PPARGC1A: variants seen among roughly 807,000 people sequenced by gnomAD.
The protein encoded by PPARGC1A is PPARG coactivator 1 alpha, also known as peroxisome proliferator-activated receptor gamma coactivator 1-alpha.
Under a neutral mutation model 88.7 loss-of-function variants are expected in PPARGC1A, and 25 were observed. That is an observed-to-expected ratio of 0.28 (90% CI 0.21 to 0.39). The LOEUF (loss-of-function observed/expected upper bound fraction) is 0.39. Among genes scored for constraint, PPARGC1A ranks in the 10% least tolerant of loss-of-function variants. PPARGC1A has a pLI of 1.00. For missense variants in PPARGC1A, 880 were observed against 968.7 expected (o/e 0.91, Z 1.22); for synonymous variants, 363 against 355.6 (o/e 1.02, Z -0.24).
At chr4:24,223,250 A>ATT in the PPARGC1A span, among the ~76,000 whole-genome samples, 5,736 of 135,324 alleles carry the variant, frequency 0.042, 302 homozygotes, top group African/African-American at 0.1. Flanking sequence ...ACTTTTGTGG[A>ATT]TTTTTTTTTT....
the PPARGC1A span, among the ~76,000 whole-genome samples, chr4:23,939,227 A>ACC: frequency 4.1e-4 from 62 of 151,714 alleles, no homozygotes; most frequent in African/African-American, 1.5e-3. Context: ...TGCATATCAA[A>ACC]CCCCCCCCCA....
chr4:23,975,503 C>T, the PPARGC1A span, among the ~76,000 whole-genome samples: 4 of 151,974 alleles, frequency 2.6e-5, no homozygotes, highest in Non-Finnish European at 4.4e-5. Context: ...CTGCAACCTC[C>T]GACTTCTGGG....
chr4:24,175,245 T>A, the PPARGC1A span, among the ~76,000 whole-genome samples: 1 of 152,060 alleles, frequency 6.6e-6, no homozygotes, highest in Non-Finnish European at 1.5e-5. Flanking sequence ...GAAAATGGAA[T>A]ACCACCCTGG....
chr4:24,424,176 C>T, the PPARGC1A span, among the ~76,000 whole-genome samples: 1 of 140,398 alleles, frequency 7.1e-6, no homozygotes, highest in Non-Finnish European at 1.5e-5. Context: ...CTAATTTTGG[C>T]ATTATTTGAG....
At chr4:23,884,720 G>A (rs1716569508) in intron 2 of PPARGC1A, 32 bp downstream of exon 2, 1 of 1,584,946 alleles carries the variant, frequency 6.3e-7, no homozygotes, top group East Asian at 2.3e-5. Flanking sequence ...CAAACTCAAT[G>A]AAAAATTAAT....
the PPARGC1A span, among the ~76,000 whole-genome samples, chr4:23,968,499 CTT>C: frequency 1.5e-3 from 225 of 152,284 alleles, 1 homozygote; most frequent in African/African-American, 4.7e-3. Flanking sequence ...CTTTAGCACT[CTT>C]TAGTTTCCCA....
At chr4:24,034,376 T>G in the PPARGC1A span, among the ~76,000 whole-genome samples, 2 of 152,182 alleles carry the variant, frequency 1.3e-5, no homozygotes, top group Non-Finnish European at 2.9e-5. Flanking sequence ...TCAAACAAAC[T>G]ATTAAAACAT....
the PPARGC1A span, among the ~76,000 whole-genome samples, chr4:24,281,941 C>A: frequency 2.6e-5 from 4 of 152,172 alleles, no homozygotes; most frequent in Non-Finnish European, 5.9e-5. Context: ...AACTGAGGCT[C>A]AAAGGGCTTC....
chr4:24,010,437 G>A, the PPARGC1A span, among the ~76,000 whole-genome samples: 4 of 152,052 alleles, frequency 2.6e-5, no homozygotes, highest in Admixed American at 6.6e-5. Flanking sequence ...CTCGCTCCCC[G>A]GAGTCATCCA....
At chr4:24,052,466 G>A in the PPARGC1A span, among the ~76,000 whole-genome samples, 17 of 151,924 alleles carry the variant, frequency 1.1e-4, no homozygotes, top group South Asian at 6.3e-4. Flanking sequence ...GTGAATGCCC[G>A]TCTTTACTAA....
the PPARGC1A span, among the ~76,000 whole-genome samples, chr4:24,468,383 G>A: frequency 6.6e-6 from 1 of 152,088 alleles, no homozygotes. Flanking sequence ...TTTAACTGGG[G>A]GTTTCATTCT....
At chr4:24,287,750 C>T in the PPARGC1A span, among the ~76,000 whole-genome samples, 1 of 151,728 alleles carries the variant, frequency 6.6e-6, no homozygotes, top group Non-Finnish European at 1.5e-5. Flanking sequence ...AAAAATGCTA[C>T]CACTTCCAAA....
chr4:23,888,475 A>G (rs1157886256), intron 1 of PPARGC1A, among the ~76,000 whole-genome samples: 4 of 152,190 alleles, frequency 2.6e-5, no homozygotes. Context: ...CCAGCCAGAC[A>G]ACCACCCACA....
chr4:24,339,219 TATATATATATATATATATAC>T, the PPARGC1A span, among the ~76,000 whole-genome samples: 368 of 33,108 alleles, frequency 0.011, 2 homozygotes, highest in Non-Finnish European at 0.023. Flanking sequence ...TGTGTATATA[TATATATATATATATATATAC>T]ACACACACAC....
chr4:24,147,958 AAC>A, the PPARGC1A span, among the ~76,000 whole-genome samples: 4 of 151,630 alleles, frequency 2.6e-5, no homozygotes, highest in Admixed American at 1.3e-4. Flanking sequence ...CAAACAAACA[AAC>A]AAAAAAAATA....
the PPARGC1A span, among the ~76,000 whole-genome samples, chr4:24,047,436 T>C: frequency 6.6e-6 from 1 of 152,228 alleles, no homozygotes; most frequent in Non-Finnish European, 1.5e-5. Flanking sequence ...TCAGAGATAA[T>C]GTGCCTGGCA....
At chr4:24,030,601 G>A in the PPARGC1A span, among the ~76,000 whole-genome samples, 1 of 152,056 alleles carries the variant, frequency 6.6e-6, no homozygotes, top group South Asian at 2.1e-4. Context: ...TCACCTTCAT[G>A]CTCCTGACCA....
the PPARGC1A span, among the ~76,000 whole-genome samples, chr4:24,454,974 C>T: frequency 6.6e-6 from 1 of 151,666 alleles, no homozygotes; most frequent in South Asian, 2.1e-4. Context: ...CAACATCTAA[C>T]ATCAGGCAAA....
At chr4:24,100,062 G>A in the PPARGC1A span, among the ~76,000 whole-genome samples, 2 of 151,996 alleles carry the variant, frequency 1.3e-5, no homozygotes, top group Non-Finnish European at 2.9e-5. Context: ...CATGGCACAT[G>A]TGTACATATG....
Sources: allele counts gnomAD v4.1 joint callset (sites outside exome capture counted in the v4.1 genomes callset), GRCh38; gene constraint gnomAD v4.1.1; transcripts MANE v1.5; gene names NCBI Gene and HGNC (gene_info 2026-07-23, HGNC 2026-07-21).